Variants in FBXL7 observed in about 807,000 individuals in gnomAD.
FBXL7 encodes F-box/LRR-repeat protein 7.
In FBXL7, 12 loss-of-function variants were observed where a neutral mutation model predicts 38.3. The observed-to-expected ratio is 0.31, with a 90% confidence interval of 0.20 to 0.51. FBXL7 has a LOEUF of 0.51. Ranked by LOEUF, FBXL7 falls within the 20% of genes least tolerant of loss-of-function variation. The pLI is 0.98. For missense variants in FBXL7, 567 were observed against 676.4 expected (o/e 0.84, Z 1.79); for synonymous variants, 297 against 300.9 (o/e 0.99, Z 0.13).
chr5:15,693,639 A>T (rs773987021), intron 2 of FBXL7, among the ~76,000 whole-genome samples: 1 of 152,070 alleles, frequency 6.6e-6, no homozygotes. Context: ...TGCCAGTAAA[A>T]ACCCCAAGAC....
chr5:15,523,012 T>G (rs1294444200), intron 1 of FBXL7, among the ~76,000 whole-genome samples: 1 of 152,220 alleles, frequency 6.6e-6, no homozygotes, highest in Non-Finnish European at 1.5e-5. Context: ...ATTAGTTATG[T>G]GTAAATGAAA....
At chr5:15,792,888 A>G (rs570040784) in intron 2 of FBXL7, among the ~76,000 whole-genome samples, 1 of 152,298 alleles carries the variant, frequency 6.6e-6, no homozygotes, top group East Asian at 1.9e-4. Context: ...CCTATAGTCC[A>G]TCTTCTGCGG....
At chr5:15,892,927 C>G (rs1026510589) in intron 2 of FBXL7, among the ~76,000 whole-genome samples, 1 of 152,072 alleles carries the variant, frequency 6.6e-6, no homozygotes, top group South Asian at 2.1e-4. Flanking sequence ...ACCATCCTGG[C>G]TAACAGGGTG....
chr5:15,901,769 T>G (rs1741239524), intron 2 of FBXL7, among the ~76,000 whole-genome samples: 1 of 152,218 alleles, frequency 6.6e-6, no homozygotes, highest in African/African-American at 2.4e-5. Flanking sequence ...TACTCATTCA[T>G]GAGTGTTAAT....
chr5:15,665,776 C>T (rs1053783789), intron 2 of FBXL7, among the ~76,000 whole-genome samples: 1 of 152,112 alleles, frequency 6.6e-6, no homozygotes, highest in Non-Finnish European at 1.5e-5. Flanking sequence ...TATTTGCGCT[C>T]AAAGTATCTG....
intron 1 of FBXL7, among the ~76,000 whole-genome samples, chr5:15,592,780 G>A (rs1739521833): frequency 6.6e-6 from 1 of 152,144 alleles, no homozygotes; most frequent in South Asian, 2.1e-4. Flanking sequence ...AGGTCACACA[G>A]AGAAAAGAAG....
intron 2 of FBXL7, among the ~76,000 whole-genome samples, chr5:15,626,100 A>G (rs947899995): frequency 1.3e-5 from 2 of 152,166 alleles, no homozygotes; most frequent in African/African-American, 4.8e-5. Context: ...TTTAAACTTA[A>G]CTATCTTTGG....
At position 15,730,621 on chromosome 5, in the gene FBXL7, T is replaced by C. The variant is rs73070537; in HGVS notation, c.127+114549T>C. Among the ~76,000 whole-genome samples the C allele has an allele frequency of 4.0e-3, 615 of 152,342 alleles. 5 individuals carry two copies. The highest frequency in any genetic ancestry group is 0.014 in the African/African-American group (590 of 41,586). On this transcript the variant is annotated intron_variant, in intron 2 of 3. Coordinates refer to ENST00000504595, the MANE Select transcript of FBXL7 (RefSeq NM_012304.5). ...TTAAATTAAGAGAAAGGGTTAGATTTGGTTTGGTTTTAGGAATATAGATAT... is the reference window on the plus strand; with the variant it reads ...TTAAATTAAGAGAAAGGGTTAGATTCGGTTTGGTTTTAGGAATATAGATAT...
At chr5:15,630,832 C>T (rs1055347039) in intron 2 of FBXL7, among the ~76,000 whole-genome samples, 5 of 148,356 alleles carry the variant, frequency 3.4e-5, no homozygotes, top group African/African-American at 1.2e-4. Flanking sequence ...AAAACAAAAG[C>T]TGTGAAACAA....
At chr5:15,926,507 A>G (rs937256590) in intron 2 of FBXL7, among the ~76,000 whole-genome samples, 4 of 150,582 alleles carry the variant, frequency 2.7e-5, no homozygotes, top group Non-Finnish European at 5.9e-5. Flanking sequence ...ATATATATCA[A>G]AAATATATCA....
intron 2 of FBXL7, among the ~76,000 whole-genome samples, chr5:15,875,557 GAAA>G (rs751796596): frequency 2.6e-5 from 4 of 151,600 alleles, no homozygotes; most frequent in Admixed American, 2.6e-4. Flanking sequence ...AAATTTACAA[GAAA>G]AAAACAAAAA....
chr5:15,918,032 A>G (rs904573285), intron 2 of FBXL7, among the ~76,000 whole-genome samples: 2 of 152,122 alleles, frequency 1.3e-5, no homozygotes, highest in Non-Finnish European at 2.9e-5. Flanking sequence ...TGAGGTCAGG[A>G]GTTCGAAGCC....
intron 2 of FBXL7, among the ~76,000 whole-genome samples, chr5:15,637,564 C>T (rs143583128): frequency 1.2e-4 from 19 of 152,224 alleles, no homozygotes; most frequent in African/African-American, 4.1e-4. Flanking sequence ...TGGCTTTATG[C>T]GAAAGGCATG....
rs1580339309 is a variant in FBXL7, at chr5:15,500,657, G to A, written c.-20G>A. 6.2e-7 allele frequency: 1 copy of A among 1,613,412 alleles called. No individual in the cohort carries two copies. The highest frequency in any genetic ancestry group is 2.2e-5 in the East Asian group (1 of 44,764). On this transcript the variant is annotated 5_prime_UTR_variant, in exon 1 of 4. Coordinates refer to ENST00000504595, the MANE Select transcript of FBXL7 (RefSeq NM_012304.5). ...CAGCTATGGAGTGTCCCGGGAGACG[G>A]CGGGCATGACGGCTACAGGATGGGC...
chr5:15,934,084 A>C (rs1184880301), intron 3 of FBXL7, among the ~76,000 whole-genome samples: 1 of 152,144 alleles, frequency 6.6e-6, no homozygotes, highest in African/African-American at 2.4e-5. Flanking sequence ...GATTTTCTGC[A>C]ACCTCCGCCT....
chr5:15,601,613 C>G (rs964892343), intron 1 of FBXL7, among the ~76,000 whole-genome samples: 23 of 152,146 alleles, frequency 1.5e-4, no homozygotes, highest in African/African-American at 5.6e-4. Context: ...TGCTGGGGTG[C>G]CAAGTGCCTG....
chr5:15,866,063 G>A (rs1739697095), intron 2 of FBXL7, among the ~76,000 whole-genome samples: 1 of 152,122 alleles, frequency 6.6e-6, no homozygotes, highest in South Asian at 2.1e-4. Context: ...GCCCACCATA[G>A]CCAAATAATT....
chr5:15,615,677 CTT>C (rs1740422470), intron 1 of FBXL7, among the ~76,000 whole-genome samples: 1 of 152,146 alleles, frequency 6.6e-6, no homozygotes, highest in Non-Finnish European at 1.5e-5. Context: ...CCCACATGTA[CTT>C]TCTTATTCAC....
chr5:15,788,944 G>A (rs926455435), intron 2 of FBXL7, among the ~76,000 whole-genome samples: 2 of 149,182 alleles, frequency 1.3e-5, no homozygotes, highest in East Asian at 2.0e-4. Flanking sequence ...TCCGCCTCCC[G>A]GGTTCATGCC....
Sources: allele counts gnomAD v4.1 joint callset (sites outside exome capture counted in the v4.1 genomes callset), GRCh38; gene constraint gnomAD v4.1.1; transcripts MANE v1.5; gene names NCBI Gene and HGNC (gene_info 2026-07-23, HGNC 2026-07-21).